The following ZBBX variants were observed in gnomAD, a reference collection of about 807,000 sequenced individuals.
ZBBX encodes the protein zinc finger B-box domain containing, also known as zinc finger B-box domain-containing protein 1.
Under a neutral mutation model 108.5 loss-of-function variants are expected in ZBBX, and 101 were observed. The observed-to-expected ratio is 0.93, with a 90% CI of 0.79 to 1.10. The LOEUF (loss-of-function observed/expected upper bound fraction) is 1.10. Ranked by LOEUF, ZBBX falls within the 50% of genes least tolerant of loss-of-function variation. ZBBX has a pLI of 0.00. For missense variants in ZBBX, 1,009 were observed against 941.4 expected (o/e 1.07, Z -0.94); for synonymous variants, 356 against 323.4 (o/e 1.10, Z -1.08).
chr3:167,204,487 C>T, the ZBBX span, among the ~76,000 whole-genome samples: 10 of 145,796 alleles, frequency 6.9e-5, no homozygotes, highest in East Asian at 1.0e-3. Flanking sequence ...TGAGAATATG[C>T]GGTGTTTGGT....
the ZBBX span, among the ~76,000 whole-genome samples, chr3:167,180,917 A>G: frequency 6.6e-6 from 1 of 152,118 alleles, no homozygotes; most frequent in Non-Finnish European, 1.5e-5. Flanking sequence ...AACATTCCCC[A>G]TTTACCTGAT....
intron 16 of ZBBX, among the ~76,000 whole-genome samples, 187 bp downstream of exon 16, chr3:167,313,787 T>A (rs1352013677): frequency 1.3e-5 from 2 of 152,174 alleles, no homozygotes; most frequent in Admixed American, 1.3e-4. Flanking sequence ...TTCTTACACA[T>A]ACAAACACTG....
rs151169173 is a variant in ZBBX at position 167,389,352 on chromosome 3, C to T, written c.-445-8947G>A. Among the ~76,000 whole-genome samples, 782 of 152,210 alleles carry T rather than the reference C, an allele frequency of 5.1e-3. 6 individuals carry two copies. Among genetic ancestry groups the T allele is most frequent in the African/African-American group, 0.017 (726 of 41,548 alleles). On this transcript the variant is annotated intron_variant, in intron 1 of 21. Coordinates refer to the ZBBX transcript ENST00000455345. ...CATAGTACTCCATGGTGTATATGTG[C>T]CACATTTTGTTTATCCAGTCTATCA...
At chr3:167,323,071 T>C (rs1736711767) in intron 11 of ZBBX, among the ~76,000 whole-genome samples, 1 of 151,604 alleles carries the variant, frequency 6.6e-6, no homozygotes. Flanking sequence ...AGTAGAGCAG[T>C]GTTGAAGAAA....
At chr3:167,309,691 G>T (rs2108255430) in intron 16 of ZBBX, among the ~76,000 whole-genome samples, 1 of 152,328 alleles carries the variant, frequency 6.6e-6, no homozygotes, top group African/African-American at 2.4e-5. Context: ...GAGGCCCTGA[G>T]CCTGGCCCAT....
At chr3:167,320,002 TTG>T (rs138075859) in intron 12 of ZBBX, among the ~76,000 whole-genome samples, 26 of 150,202 alleles carry the variant, frequency 1.7e-4, no homozygotes, top group Non-Finnish European at 2.1e-4. Context: ...GTATGTGGAT[TTG>T]TGTGTGTGTG....
intron 1 of ZBBX, among the ~76,000 whole-genome samples, chr3:167,397,020 TGC>T (rs1477814482): frequency 1.1e-4 from 16 of 151,522 alleles, no homozygotes; most frequent in African/African-American, 3.9e-4. Context: ...AGGATGGCAT[TGC>T]TCATTTTTTT....
intron 17 of ZBBX, among the ~76,000 whole-genome samples, chr3:167,299,998 A>G (rs1399529050): frequency 1.3e-5 from 2 of 152,148 alleles, no homozygotes; most frequent in African/African-American, 4.8e-5. Context: ...GTGATCCAAC[A>G]ACTTAATTAT....
chr3:167,248,484 C>G (rs1420955893), intron 20 of ZBBX: 3 of 271,116 alleles, frequency 1.1e-5, no homozygotes, highest in African/African-American at 6.6e-5. Flanking sequence ...GAGGCGTCCC[C>G]CACCACCAAC....
intron 16 of ZBBX, among the ~76,000 whole-genome samples, chr3:167,307,601 G>A (rs1018030482): frequency 1.3e-5 from 2 of 152,016 alleles, no homozygotes; most frequent in Non-Finnish European, 2.9e-5. Flanking sequence ...GCATGGTACT[G>A]GTACAAAAAC....
At chr3:167,205,752 T>C in the ZBBX span, among the ~76,000 whole-genome samples, 1 of 152,304 alleles carries the variant, frequency 6.6e-6, no homozygotes, top group South Asian at 2.1e-4. Flanking sequence ...AATTAATTGG[T>C]GGAACCAGGA....
chr3:167,292,048 T>C lies in ZBBX; in HGVS notation c.1880-3065A>G, dbSNP rs141044262. ...GCACCCAACACAGGAGCACCCAGAT[T>C]CATAAAGCAAGTTCTTGGAGACTAC... is the stretch of plus-strand genomic sequence containing the variant. On this transcript the variant is annotated intron_variant, in intron 18 of 21. Transcript: ENST00000675490. Among the ~76,000 whole-genome samples the C allele has an allele frequency of 1.8e-4, 27 of 152,280 alleles. No homozygotes were observed. The East Asian group carries it at 3.5e-3, about 20-fold the overall frequency.
chr3:167,241,754 A>G lies in ZBBX; in HGVS notation c.2393+751T>C, dbSNP rs112603983. Among the ~76,000 whole-genome samples the G allele has an allele frequency of 1.4e-3, 214 of 152,266 alleles. 1 individual carries two copies. The highest frequency in any genetic ancestry group is 6.8e-3 in the Middle Eastern group (2 of 294). On this transcript the variant is annotated intron_variant, in intron 21 of 21. Transcript: ENST00000675490. ...AAGAGAAAGAAATGTAAAAACCAAGAACAACAACTCAATGATTTCCTCTTC... is the reference window on the plus strand; with the variant it reads ...AAGAGAAAGAAATGTAAAAACCAAGGACAACAACTCAATGATTTCCTCTTC...
downstream of ZBBX, among the ~76,000 whole-genome samples, chr3:167,238,209 T>A (rs1256957100): frequency 1.3e-5 from 2 of 152,046 alleles, no homozygotes; most frequent in South Asian, 4.1e-4. Context: ...AAGCCAGTAG[T>A]GTCAGGACAA....
At chr3:167,212,905 C>A in the ZBBX span, among the ~76,000 whole-genome samples, 10 of 152,116 alleles carry the variant, frequency 6.6e-5, no homozygotes, top group South Asian at 4.2e-4. Context: ...CTGGATCACA[C>A]CCCAAAGCTT....
chr3:167,324,547 T>C (rs1737030304), intron 11 of ZBBX, among the ~76,000 whole-genome samples: 1 of 152,090 alleles, frequency 6.6e-6, no homozygotes, highest in Non-Finnish European at 1.5e-5. Context: ...TTTCTTCTAC[T>C]ATAGGTAAAA....
intron 20 of ZBBX, among the ~76,000 whole-genome samples, chr3:167,275,127 T>TAAATATATTATGTTTATTAAGTTGGC (rs1727280389): frequency 1.3e-5 from 2 of 152,238 alleles, no homozygotes; most frequent in Non-Finnish European, 2.9e-5. Flanking sequence ...AAATATATAC[T>TAAATATATTATGTTTATTAAGTTGGC]TAAAATATAT....
chr3:167,240,628 G>T lies in ZBBX; in HGVS notation c.*165C>A. On this transcript the variant is annotated 3_prime_UTR_variant, in exon 22 of 22. Transcript: ENST00000675490. The stretch of plus-strand genomic sequence containing the variant: ...ATATAATATATCATTGGAAGAATAA[G>T]CCCTTGAACTTATAATTTTACTTTT... The T allele has an allele frequency of 1.5e-6, 1 of 649,710 alleles. No individual in the cohort carries two copies. The highest frequency in any genetic ancestry group is 2.5e-6 in the Non-Finnish European group (1 of 401,396). The allele number at this position is 649,710 out of a possible 1,614,324, so 40.2% of individuals were successfully genotyped here.
chr3:167,194,741 T>G, the ZBBX span, among the ~76,000 whole-genome samples: 3 of 152,104 alleles, frequency 2.0e-5, no homozygotes, highest in Non-Finnish European at 4.4e-5. Flanking sequence ...TGGCTTGGGC[T>G]CCTCAGAGCC....
Sources: allele counts gnomAD v4.1 joint callset (sites outside exome capture counted in the v4.1 genomes callset), GRCh38; gene constraint gnomAD v4.1.1; transcripts MANE v1.5; gene names NCBI Gene and HGNC (gene_info 2026-07-23, HGNC 2026-07-21).